Variants in LRP12 observed in about 807,000 individuals in gnomAD.
The protein encoded by LRP12 is low-density lipoprotein receptor-related protein 12.
Under a neutral mutation model 66.0 loss-of-function variants are expected in LRP12, and 14 were observed. That is an observed-to-expected ratio of 0.21 (90% CI 0.14 to 0.33). LRP12 has a LOEUF of 0.33. LRP12 is among the 10% of genes least tolerant of loss of function. The probability of loss-of-function intolerance (pLI) is 1.00; values close to 1 mark genes in which losing one functional copy is unlikely to be tolerated. For synonymous variants in LRP12, 357 were observed against 359.1 expected (o/e 0.99, Z 0.07); for missense variants, 889 against 1,053.4 (o/e 0.84, Z 2.16).
At chr8:104,520,823 T>C (rs1306064263) in intron 2 of LRP12, among the ~76,000 whole-genome samples, 1 of 152,074 alleles carries the variant, frequency 6.6e-6, no homozygotes, top group African/African-American at 2.4e-5. Flanking sequence ...AAATTACAGA[T>C]AACCAACATG....
intron 1 of LRP12, among the ~76,000 whole-genome samples, chr8:104,570,983 C>T (rs898979709): frequency 6.6e-6 from 1 of 152,098 alleles, no homozygotes; most frequent in African/African-American, 2.4e-5. Context: ...TATCATTAGC[C>T]ATTAAAAAAT....
chr8:104,557,963 A>G (rs1216122123), intron 1 of LRP12, among the ~76,000 whole-genome samples: 2 of 152,106 alleles, frequency 1.3e-5, no homozygotes, highest in Non-Finnish European at 2.9e-5. Flanking sequence ...TAATCCCACC[A>G]CTCTGGGAGG....
chr8:104,552,363 C>CGG (rs10638895), intron 1 of LRP12, among the ~76,000 whole-genome samples: 3 of 149,542 alleles, frequency 2.0e-5, no homozygotes, highest in African/African-American at 7.4e-5. Flanking sequence ...ATAAATATGT[C>CGG]TTTTTTTTGT....
At chr8:104,555,660 A>G (rs573935011) in intron 1 of LRP12, among the ~76,000 whole-genome samples, 2 of 152,292 alleles carry the variant, frequency 1.3e-5, no homozygotes, top group Non-Finnish European at 2.9e-5. Flanking sequence ...CAAATTTACA[A>G]AACAATTACT....
chr8:104,570,852 G>A (rs1812066875), intron 1 of LRP12, among the ~76,000 whole-genome samples: 4 of 151,702 alleles, frequency 2.6e-5, no homozygotes, highest in African/African-American at 7.3e-5. Context: ...TTCAGAGGGG[G>A]GAAAAATATA....
rs148476233 is a variant in LRP12 at position 104,491,031 on chromosome 8, C to T, written c.2222G>A (p.Arg741His). Residue 741 changes from arginine (R) to histidine (H), a missense_variant, in exon 7 of 7, where the codon CGT becomes CAT. This residue lies in a region of LRP12 where 800 missense variants were observed against 964.5 expected (regional missense o/e 0.83). Coordinates refer to ENST00000276654, the MANE Select transcript of LRP12 (RefSeq NM_013437.5). Reference protein sequence around the residue: ...SRMTQGLRWVRFTLGRSSSLS... With the variant: ...SRMTQGLRWVHFTLGRSSSLS... ...GGAACTTGATCGTCCTAATGTAAAA[C>T]GTACCCAGCGTAGCCCCTGAGTCAT... The T allele has an allele frequency of 5.0e-6, 8 of 1,614,018 alleles. No homozygotes were observed. Among genetic ancestry groups the T allele is most frequent in the Admixed American group, 3.3e-5 (2 of 59,994 alleles).
chr8:104,545,994 T>C (rs1427259726), intron 1 of LRP12, among the ~76,000 whole-genome samples: 1 of 152,224 alleles, frequency 6.6e-6, no homozygotes, highest in African/African-American at 2.4e-5. Context: ...AGTACCCAAA[T>C]TGATAAATCC....
At chr8:104,547,952 T>C (rs1252748225) in intron 1 of LRP12, among the ~76,000 whole-genome samples, 13 of 128,322 alleles carry the variant, frequency 1.0e-4, no homozygotes, top group African/African-American at 2.6e-4. Context: ...ATATTTTGTA[T>C]ATACCATTGT....
intron 5 of LRP12, chr8:104,495,864 G>C (rs1588481614): frequency 6.6e-6 from 1 of 151,166 alleles, no homozygotes; most frequent in African/African-American, 2.4e-5. Context: ...GGAGTGCAGT[G>C]AGCTGAGATC....
chr8:104,552,246 T>C (rs1361869540), intron 1 of LRP12, among the ~76,000 whole-genome samples: 1 of 151,610 alleles, frequency 6.6e-6, no homozygotes, highest in Non-Finnish European at 1.5e-5. Context: ...TTAGAACTTG[T>C]TGGGGATGGG....
rs1358075299 is a variant in LRP12, at chr8:104,491,064, A to G, written c.2189T>C (p.Leu730Pro). The G allele has an allele frequency of 6.2e-7, 1 of 1,614,016 alleles. No homozygotes were observed. The highest frequency in any genetic ancestry group is 1.3e-5 in the African/African-American group (1 of 74,898). Reference protein sequence around the residue: ...SPARHQLTSALSRMTQGLRWV... With the variant: ...SPARHQLTSAPSRMTQGLRWV... ...GCGTAGCCCCTGAGTCATACGACTG[A>G]GTGCACTTGTAAGCTGGTGACGTGC... The change falls in exon 7 of 7, where the codon CTC becomes CCC. Residue 730 changes from leucine to proline, a missense_variant. Transcript: ENST00000276654.
chr8:104,544,309 A>G lies in LRP12; in HGVS notation c.80-12346T>C, dbSNP rs923930994. 6.6e-5 allele frequency among the ~76,000 whole-genome samples: 10 copies of G among 152,310 alleles called. No homozygotes were observed. The East Asian group carries it at 1.9e-3, about 29-fold the overall frequency. On this transcript the variant is annotated intron_variant, in intron 1 of 6. Transcript: ENST00000276654. Reference sequence around the variant, plus strand: ...ATGTTTAAGGACAGAAGCACTCTACATAACATAAAAGTGCAAGGTGAGGCT... The same window carrying G: ...ATGTTTAAGGACAGAAGCACTCTACGTAACATAAAAGTGCAAGGTGAGGCT...
At chr8:104,582,631 G>A (rs1246914443) in intron 1 of LRP12, among the ~76,000 whole-genome samples, 2 of 152,118 alleles carry the variant, frequency 1.3e-5, no homozygotes, top group Non-Finnish European at 2.9e-5. Context: ...TTGACAAAAT[G>A]ACTGCCCTCA....
chr8:104,516,518 T>C (rs1309046466), intron 2 of LRP12, among the ~76,000 whole-genome samples: 1 of 152,102 alleles, frequency 6.6e-6, no homozygotes, highest in Non-Finnish European at 1.5e-5. Flanking sequence ...TCTTAAGATT[T>C]TGGTATTAGT....
At chr8:104,547,926 T>G (rs1268061103) in intron 1 of LRP12, among the ~76,000 whole-genome samples, 1 of 128,908 alleles carries the variant, frequency 7.8e-6, no homozygotes, top group South Asian at 2.3e-4. Context: ...TTGTATATAA[T>G]ATACAATTCA....
At chr8:104,515,194 G>T (rs1811058419) in intron 2 of LRP12, among the ~76,000 whole-genome samples, 1 of 152,120 alleles carries the variant, frequency 6.6e-6, no homozygotes, top group Non-Finnish European at 1.5e-5. Flanking sequence ...TATCCTCCCA[G>T]TTTAAAATAC....
chr8:104,548,004 AAT>A (rs999405968), intron 1 of LRP12, among the ~76,000 whole-genome samples: 2 of 123,080 alleles, frequency 1.6e-5, no homozygotes, highest in African/African-American at 6.2e-5. Flanking sequence ...TTTTGTATAT[AAT>A]ATATAATTGT....
intron 1 of LRP12, among the ~76,000 whole-genome samples, chr8:104,535,240 T>C (rs945610620): frequency 6.6e-6 from 1 of 152,008 alleles, no homozygotes; most frequent in Non-Finnish European, 1.5e-5. Flanking sequence ...TATTGCTTTC[T>C]GTAGTTTTGA....
rs770729650 is a variant in LRP12 at position 104,491,511 on chromosome 8, G to T, written c.1742C>A (p.Ala581Glu). ...AGTAAATCCAAGCTGAGATCGTACC[G>T]CTAGCCTCAGATTTTCCAAAACAGA... The part of the protein sequence containing the change: ...QASVLENLRL[A>E]VRSQLGFTSV... The change falls in exon 7 of 7, where the codon GCG becomes GAG. Residue 581 changes from alanine to glutamate, a missense_variant. By Grantham distance (107) the Ala-to-Glu change is moderately radical. Around this residue, in one of 3 missense-constraint regions of LRP12, gnomAD observed 800 missense variants for 964.5 expected, o/e 0.83. Coordinates refer to ENST00000276654, the MANE Select transcript of LRP12 (RefSeq NM_013437.5). The T allele has an allele frequency of 6.2e-7, 1 of 1,611,338 alleles. No homozygotes were observed. The highest frequency in any genetic ancestry group is 8.5e-7 in the Non-Finnish European group (1 of 1,179,354).
Sources: allele counts gnomAD v4.1 joint callset (sites outside exome capture counted in the v4.1 genomes callset), GRCh38; gene constraint gnomAD v4.1.1; regional missense constraint gnomAD v4.1.1; transcripts MANE v1.5; gene names NCBI Gene and HGNC (gene_info 2026-07-23, HGNC 2026-07-21).